The following DEFB124 variants were observed in gnomAD, a reference collection of about 807,000 sequenced individuals.
DEFB124 encodes the protein beta-defensin 124.
For missense variants in DEFB124, 78 were observed against 83.1 expected (o/e 0.94, Z 0.24); for synonymous variants, 38 against 36.5 (o/e 1.04, Z -0.15).
At chr20:31,465,700 A>G in intron 2 of DEFB124, 37 bp from the exon 3 acceptor site, 1 of 1,608,494 alleles carries the variant, frequency 6.2e-7, no homozygotes, top group South Asian at 1.1e-5. Context: ...AGAGCAGCCC[A>G]TGGGTCACAC....
intron 2 of DEFB124, among the ~76,000 whole-genome samples, chr20:31,468,161 A>C (rs1980127704): frequency 1.3e-5 from 2 of 151,682 alleles, no homozygotes; most frequent in African/African-American, 4.8e-5. Flanking sequence ...CATATCTTTG[A>C]CTCTGTCTCC....
At chr20:31,473,553 A>G (rs1479104722) in intron 1 of DEFB124, among the ~76,000 whole-genome samples, 1 of 152,182 alleles carries the variant, frequency 6.6e-6, no homozygotes, top group African/African-American at 2.4e-5. Context: ...TTAGGGGACT[A>G]AATGAAGTAA....
rs1555834263 is a variant in DEFB124 at position 31,472,937 on chromosome 20, A to ACG, written c.58+18_58+19insCG. On this transcript the variant is annotated intron_variant, in intron 2 of 2. Transcript: ENST00000317676. ...CATGTGCACACACACACACACACAC[A>ACG]TGCACACGATGTTGTTACCTGATGG... 6.2e-7 allele frequency: 1 copy of ACG among 1,612,268 alleles called. No individual in the cohort carries two copies. The highest frequency in any genetic ancestry group is 1.1e-5 in the South Asian group (1 of 90,940).
At chr20:31,472,693 A>G in intron 2 of DEFB124, 1 of 430,908 alleles carries the variant, frequency 2.3e-6, no homozygotes, top group East Asian at 3.7e-5. Flanking sequence ...TTTCACTGCT[A>G]CATGTCTTTC....
At chr20:31,471,676 A>G (rs1980315827) in intron 2 of DEFB124, among the ~76,000 whole-genome samples, 1 of 135,254 alleles carries the variant, frequency 7.4e-6, no homozygotes, top group African/African-American at 2.9e-5. Context: ...GGGGCTCCTC[A>G]CTTCTCAGAC....
At position 31,466,240 on chromosome 20, in the gene DEFB124, C is replaced by T. The variant is rs570476718; in HGVS notation, c.59-577G>A. Among the ~76,000 whole-genome samples the T allele has an allele frequency of 7.3e-4, 111 of 152,210 alleles. 3 individuals are homozygous for T. In the Middle Eastern group the frequency reaches 0.031, roughly 42 times the overall value. ...AAGCACTTTTCATAACAGTGCTATA[C>T]GATTATAGTTAGTCTTATTACAATC... On this transcript the variant is annotated intron_variant, in intron 2 of 2. Transcript: ENST00000317676.
intron 2 of DEFB124, among the ~76,000 whole-genome samples, chr20:31,469,359 G>T (rs1267708187): frequency 1.3e-5 from 2 of 152,122 alleles, no homozygotes; most frequent in Non-Finnish European, 2.9e-5. Context: ...GGAGGCAGAG[G>T]TTGCAGTGAG....
intron 2 of DEFB124, among the ~76,000 whole-genome samples, chr20:31,471,421 A>C (rs1288438634): frequency 1.5e-4 from 9 of 60,538 alleles, no homozygotes; most frequent in African/African-American, 2.8e-4. Flanking sequence ...TGACCCCCCC[A>C]CCTCCCTCCC....
At chr20:31,469,093 T>C (rs1980157304) in intron 2 of DEFB124, among the ~76,000 whole-genome samples, 1 of 152,192 alleles carries the variant, frequency 6.6e-6, no homozygotes, top group Admixed American at 6.5e-5. Context: ...CTTTCATGTA[T>C]ATGTGAAATT....
intron 2 of DEFB124, among the ~76,000 whole-genome samples, chr20:31,467,652 A>G (rs1980115134): frequency 1.3e-5 from 2 of 152,218 alleles, no homozygotes; most frequent in Non-Finnish European, 2.9e-5. Context: ...CTCACTCACC[A>G]GTAAAGAGAG....
rs1471679561 is a variant in DEFB124, at chr20:31,468,562, G to A, written c.59-2899C>T. ...GCAATCACGGCTCACTGCAACCTCC[G>A]CCTCCCGGGTTCAACTGATTCTCCT... is the stretch of plus-strand genomic sequence containing the variant. On this transcript the variant is annotated intron_variant, in intron 2 of 2. Coordinates refer to ENST00000317676, the MANE Select transcript of DEFB124 (RefSeq NM_001037500.2). Among the ~76,000 whole-genome samples the A allele has an allele frequency of 6.6e-5, 10 of 151,348 alleles. No individual in the cohort carries two copies. In the South Asian group the frequency reaches 1.0e-3, roughly 16 times the overall value.
chr20:31,471,424 T>C (rs1600569160), intron 2 of DEFB124, among the ~76,000 whole-genome samples: 2 of 83,948 alleles, frequency 2.4e-5, no homozygotes, highest in South Asian at 4.5e-4. Flanking sequence ...CCCCCCCACC[T>C]CCCTCCCGGA....
At chr20:31,470,203 G>C (rs1407329631) in intron 2 of DEFB124, among the ~76,000 whole-genome samples, 2 of 146,220 alleles carry the variant, frequency 1.4e-5, no homozygotes, top group East Asian at 2.0e-4. Flanking sequence ...CCGGGCGGGG[G>C]GCTGACCCCC....
At chr20:31,465,972 C>T (rs755529091) in intron 2 of DEFB124, among the ~76,000 whole-genome samples, 1 of 151,954 alleles carries the variant, frequency 6.6e-6, no homozygotes, top group African/African-American at 2.4e-5. Flanking sequence ...GCCTGGCCAA[C>T]ATGACAAAAC....
At chr20:31,471,723 C>A (rs1487709161) in intron 2 of DEFB124, among the ~76,000 whole-genome samples, 6 of 149,200 alleles carry the variant, frequency 4.0e-5, no homozygotes, top group Non-Finnish European at 8.9e-5. Context: ...ACCTCCCAGA[C>A]GGGGTCGCAG....
At chr20:31,474,258 ACCTCACT>A (rs1230718827) in intron 1 of DEFB124, among the ~76,000 whole-genome samples, 2 of 152,188 alleles carry the variant, frequency 1.3e-5, no homozygotes, top group Non-Finnish European at 2.9e-5. Context: ...AAGCCAAGTC[ACCTCACT>A]CCCAGACAAT....
chr20:31,474,076 G>T (rs1321798994), intron 1 of DEFB124, among the ~76,000 whole-genome samples: 1 of 152,248 alleles, frequency 6.6e-6, no homozygotes, highest in Non-Finnish European at 1.5e-5. Flanking sequence ...ATTCTGCAGA[G>T]AATAGGTTGG....
chr20:31,470,138 C>A (rs2122450116), intron 2 of DEFB124, among the ~76,000 whole-genome samples: 1 of 132,522 alleles, frequency 7.5e-6, no homozygotes, highest in Admixed American at 7.2e-5. Flanking sequence ...CGCCTCACTT[C>A]CTAGTAGGGG....
chr20:31,471,129 C>CG (rs1333752832), intron 2 of DEFB124, among the ~76,000 whole-genome samples: 1 of 127,052 alleles, frequency 7.9e-6, no homozygotes, highest in Non-Finnish European at 1.7e-5. Flanking sequence ...GCTGGCCGGG[C>CG]GGGGGGTTGA....
Sources: gnomAD v4.1 joint callset for allele counts (sites outside exome capture counted in the v4.1 genomes callset) on GRCh38, gnomAD v4.1.1 for gene constraint, MANE v1.5 for transcripts, NCBI Gene and HGNC (gene_info 2026-07-23, HGNC 2026-07-21) for gene names.